Variants in MAGI2 observed in about 807,000 individuals in gnomAD.
MAGI2 encodes membrane-associated guanylate kinase, WW and PDZ domain-containing protein 2.
A neutral mutation model predicts 133.3 loss-of-function variants in MAGI2; 35 were observed. The ratio of observed to expected loss-of-function variants is 0.26; its 90% CI spans 0.20 to 0.35. MAGI2 has a LOEUF of 0.35. MAGI2 is among the 10% of genes least tolerant of loss of function. The pLI, the probability that MAGI2 is intolerant of heterozygous loss-of-function variation, is 1.00. For missense variants in MAGI2, 1,636 were observed against 1,863.4 expected (o/e 0.88, Z 2.25); for synonymous variants, 729 against 710.6 (o/e 1.03, Z -0.41).
At chr7:78,573,013 G>T (rs1801673802) in intron 3 of MAGI2, among the ~76,000 whole-genome samples, 2 of 82,094 alleles carry the variant, frequency 2.4e-5, no homozygotes, top group East Asian at 3.6e-4. Flanking sequence ...AGAACTAATA[G>T]GATATATATA....
intron 3 of MAGI2, among the ~76,000 whole-genome samples, chr7:78,569,502 C>T (rs975448136): frequency 6.6e-6 from 1 of 152,080 alleles, no homozygotes; most frequent in South Asian, 2.1e-4. Context: ...GAAACTCAGA[C>T]TTTCTTTTGG....
rs143907625 is a variant in MAGI2 at position 78,230,110 on chromosome 7, G to T, written c.2047+25833C>A. 7.8e-3 allele frequency among the ~76,000 whole-genome samples: 1,181 copies of T among 152,330 alleles called. 11 individuals carry two copies. Among genetic ancestry groups the T allele is most frequent in the African/African-American group, 0.027 (1,113 of 41,572 alleles). On this transcript the variant is annotated intron_variant, in intron 10 of 21. Transcript: ENST00000354212. ...CCTTCAAGTATCGCTCAGGGGAATA[G>T]CACTAGAACTAATTAGACCAAACAC...
intron 16 of MAGI2, among the ~76,000 whole-genome samples, chr7:78,155,860 C>T (rs1024709515): frequency 6.6e-6 from 1 of 152,120 alleles, no homozygotes; most frequent in Admixed American, 6.5e-5. Flanking sequence ...TGGTAAAGAG[C>T]ATTACTAAAT....
chr7:78,238,860 C>T (rs1020850323), intron 10 of MAGI2, among the ~76,000 whole-genome samples: 5 of 152,202 alleles, frequency 3.3e-5, no homozygotes, highest in African/African-American at 7.2e-5. Context: ...AGTCCTTTCT[C>T]TGGCCCATGG....
intron 1 of MAGI2, among the ~76,000 whole-genome samples, chr7:79,163,036 C>T (rs917051196): frequency 1.3e-5 from 2 of 151,594 alleles, no homozygotes; most frequent in Non-Finnish European, 2.9e-5. Context: ...CAAAACAAAA[C>T]AAAAAAAACA....
At chr7:78,224,322 T>G (rs1789133593) in intron 10 of MAGI2, among the ~76,000 whole-genome samples, 1 of 152,184 alleles carries the variant, frequency 6.6e-6, no homozygotes, top group African/African-American at 2.4e-5. Flanking sequence ...AAAAAAGCTC[T>G]CCACTCGTTA....
At chr7:78,773,383 C>G (rs1825741480) in intron 2 of MAGI2, among the ~76,000 whole-genome samples, 1 of 152,026 alleles carries the variant, frequency 6.6e-6, no homozygotes, top group South Asian at 2.1e-4. Context: ...TAACCCTAGC[C>G]AACTTTTCAA....
In MAGI2 at chr7:78,737,675, T is replaced by C. The variant is rs1021227913; in HGVS notation, c.419-110436A>G. On this transcript the variant is annotated intron_variant, in intron 2 of 21. Transcript: ENST00000354212. ...AGAAATTAAATAAGTTTGCAAAAAA[T>C]ATAAAATAATACATTCTTTTTACTA... Among the ~76,000 whole-genome samples, 13 of 152,282 alleles carry C rather than the reference T, an allele frequency of 8.5e-5. No individual in the cohort carries two copies. The South Asian group carries it at 2.1e-3, about 24-fold the overall frequency.
chr7:78,582,448 T>A (rs1802935811), intron 3 of MAGI2, among the ~76,000 whole-genome samples: 2 of 152,328 alleles, frequency 1.3e-5, no homozygotes, highest in South Asian at 4.1e-4. Flanking sequence ...AAGCATACTT[T>A]GGAAATGAAA....
chr7:78,988,594 T>C (rs908988928), intron 2 of MAGI2, among the ~76,000 whole-genome samples: 4 of 152,262 alleles, frequency 2.6e-5, no homozygotes, highest in South Asian at 2.1e-4. Context: ...TAGCATATAA[T>C]TGATCTTCTG....
intron 5 of MAGI2, among the ~76,000 whole-genome samples, chr7:78,499,142 A>C (rs910234031): frequency 6.6e-6 from 1 of 152,212 alleles, no homozygotes; most frequent in East Asian, 1.9e-4. Flanking sequence ...TGAAACGAAA[A>C]CTAAGATTTA....
intron 7 of MAGI2, among the ~76,000 whole-genome samples, chr7:78,353,995 T>C (rs1791800893): frequency 6.6e-6 from 1 of 152,202 alleles, no homozygotes; most frequent in Admixed American, 6.5e-5. Flanking sequence ...ACCTTATTCC[T>C]GAACTTGGGA....
At chr7:79,381,635 T>C (rs557676650) in intron 1 of MAGI2, among the ~76,000 whole-genome samples, 1 of 151,834 alleles carries the variant, frequency 6.6e-6, no homozygotes, top group South Asian at 2.1e-4. Context: ...TCAACCAGAT[T>C]TGAGATTAGG....
intron 1 of MAGI2, among the ~76,000 whole-genome samples, chr7:79,401,501 T>A (rs1248129349): frequency 6.6e-6 from 1 of 152,202 alleles, no homozygotes; most frequent in Non-Finnish European, 1.5e-5. Context: ...TGTTTGTTAT[T>A]TGTTGACTTT....
At chr7:79,113,944 G>A (rs1245397587) in intron 1 of MAGI2, among the ~76,000 whole-genome samples, 2 of 152,116 alleles carry the variant, frequency 1.3e-5, no homozygotes. Context: ...AACAGTATAT[G>A]TCTTTTTCTG....
intron 1 of MAGI2, among the ~76,000 whole-genome samples, chr7:79,007,603 C>T (rs1342038962): frequency 6.6e-6 from 1 of 152,068 alleles, no homozygotes; most frequent in Non-Finnish European, 1.5e-5. Flanking sequence ...ACTTTTCTGT[C>T]TATAAATTTG....
chr7:78,893,867 A>G (rs1436154495), intron 2 of MAGI2, among the ~76,000 whole-genome samples: 2 of 152,206 alleles, frequency 1.3e-5, no homozygotes, highest in African/African-American at 2.4e-5. Context: ...CCTAAAACTT[A>G]AAGTATAATA....
At chr7:79,222,017 G>C (rs1247465256) in intron 1 of MAGI2, among the ~76,000 whole-genome samples, 1 of 151,956 alleles carries the variant, frequency 6.6e-6, no homozygotes, top group African/African-American at 2.4e-5. Flanking sequence ...CTCATTGAAG[G>C]GTATAATACC....
At chr7:78,251,317 G>A (rs1792358875) in intron 10 of MAGI2, 1 of 152,142 alleles carries the variant, frequency 6.6e-6, no homozygotes, top group Admixed American at 6.5e-5. Flanking sequence ...CTGGTAACAA[G>A]GTAGGGATGT....
Sources: gnomAD v4.1 joint callset for allele counts (sites outside exome capture counted in the v4.1 genomes callset) on GRCh38, gnomAD v4.1.1 for gene constraint, MANE v1.5 for transcripts, NCBI Gene and HGNC (gene_info 2026-07-23, HGNC 2026-07-21) for gene names.